The following GLRA3 variants were observed in gnomAD, a reference collection of about 807,000 sequenced individuals.
The protein encoded by GLRA3 is glycine receptor subunit alpha-3.
Under a neutral mutation model 60.4 loss-of-function variants are expected in GLRA3, and 44 were observed. The observed-to-expected ratio is 0.73, with a 90% confidence interval of 0.57 to 0.94. The LOEUF (loss-of-function observed/expected upper bound fraction) is 0.94, where lower values mean the gene tolerates loss of function less well. Ranked by LOEUF, GLRA3 falls within the 40% of genes least tolerant of loss-of-function variation. The probability of loss-of-function intolerance (pLI) is 0.00; values close to 1 mark genes in which losing one functional copy is unlikely to be tolerated. For missense variants in GLRA3, 508 were observed against 564.6 expected (o/e 0.90, Z 1.02); for synonymous variants, 223 against 192.9 (o/e 1.16, Z -1.29).
chr4:174,717,387 A>G lies in GLRA3; in HGVS notation c.492-1817T>C, dbSNP rs1480397148. Among the ~76,000 whole-genome samples the G allele has an allele frequency of 2.0e-5, 3 of 151,958 alleles. No individual in the cohort carries two copies. In the East Asian group the frequency reaches 5.8e-4, roughly 29 times the overall value. ...GGAAAGGAAGGAAGGAAAAAGAAAG[A>G]AGAAAGGAATAAAAAAGAACTATTT... On this transcript the variant is annotated intron_variant, in intron 4 of 9. Transcript: ENST00000274093.
At chr4:174,651,348 T>C (rs1733015339) in intron 9 of GLRA3, among the ~76,000 whole-genome samples, 1 of 152,208 alleles carries the variant, frequency 6.6e-6, no homozygotes, top group Non-Finnish European at 1.5e-5. Flanking sequence ...TACTTAACTT[T>C]ATGATTATTG....
At chr4:174,656,307 G>A (rs1190607337) in intron 9 of GLRA3, among the ~76,000 whole-genome samples, 1 of 152,040 alleles carries the variant, frequency 6.6e-6, no homozygotes, top group Non-Finnish European at 1.5e-5. Context: ...CAGAAGGCAC[G>A]AAGCATTTTG....
At chr4:174,777,826 A>G (rs1738664002) in intron 2 of GLRA3, among the ~76,000 whole-genome samples, 1 of 152,210 alleles carries the variant, frequency 6.6e-6, no homozygotes, top group Non-Finnish European at 1.5e-5. Flanking sequence ...GCACTTTCCA[A>G]TCAATTATTC....
chr4:174,677,182 A>G lies in GLRA3; in HGVS notation c.823T>C (p.Phe275Leu), dbSNP rs150394640. The change falls in exon 7 of 10, where the codon TTC (phenylalanine) becomes CTC (leucine). Residue 275 changes from phenylalanine to leucine, a missense_variant. Physicochemically the swap from Phe to Leu is conservative, Grantham distance 22. Coordinates refer to ENST00000274093, the MANE Select transcript of GLRA3 (RefSeq NM_006529.4). Reference sequence around the variant, plus strand: ...GGTGCTGCATCCATGTTGATCCAGAATGAAACCCAGGATAGAATAACAATC... The same window carrying G: ...GGTGCTGCATCCATGTTGATCCAGAGTGAAACCCAGGATAGAATAACAATC... ...LLIVILSWVS[F>L]WINMDAAPAR... 1 of 1,612,344 alleles carries G rather than the reference A, an allele frequency of 6.2e-7. No homozygotes were observed. The highest frequency in any genetic ancestry group is 8.5e-7 in the Non-Finnish European group (1 of 1,178,422).
intron 2 of GLRA3, among the ~76,000 whole-genome samples, chr4:174,777,909 T>C (rs1738669595): frequency 6.6e-6 from 1 of 152,118 alleles, no homozygotes. Flanking sequence ...ACTCAGAAAA[T>C]ATATAAGCAT....
In GLRA3 at chr4:174,642,295, C is replaced by G; in HGVS notation, c.*1491G>C. On this transcript the variant is annotated 3_prime_UTR_variant, in exon 10 of 10. Coordinates refer to ENST00000274093, the MANE Select transcript of GLRA3 (RefSeq NM_006529.4). Reference sequence around the variant, plus strand: ...TAGAAAATAGCATCTTGTTAAAGAACTGGCTTTTCTATTGTACATCTGAGT... The same window carrying G: ...TAGAAAATAGCATCTTGTTAAAGAAGTGGCTTTTCTATTGTACATCTGAGT... 1 of 956,468 alleles carries G rather than the reference C, an allele frequency of 1.0e-6. No individual in the cohort carries two copies. The highest frequency in any genetic ancestry group is 5.4e-4 in the Middle Eastern group (1 of 1,858). The allele number at this position is 956,468 out of a possible 1,614,324, so 59.2% of individuals were successfully genotyped here. A position where few individuals can be genotyped will look rare whatever the true frequency, so the allele number is the denominator to read the frequency against.
intron 6 of GLRA3, among the ~76,000 whole-genome samples, chr4:174,680,987 T>C (rs1318093293): frequency 6.6e-6 from 1 of 152,160 alleles, no homozygotes; most frequent in Middle Eastern, 3.2e-3. Flanking sequence ...AAATGGAGTC[T>C]GGGATCTGAA....
chr4:174,758,926 A>G (rs1235459701), intron 3 of GLRA3, among the ~76,000 whole-genome samples: 1 of 152,124 alleles, frequency 6.6e-6, no homozygotes, highest in Non-Finnish European at 1.5e-5. Flanking sequence ...TTGATATACT[A>G]TGTTCATGGA....
At chr4:174,717,039 A>AATAT (rs149325552) in intron 4 of GLRA3, among the ~76,000 whole-genome samples, 2 of 147,652 alleles carry the variant, frequency 1.4e-5, no homozygotes, top group South Asian at 2.1e-4. Flanking sequence ...TATCTCTACA[A>AATAT]ATATATATAT....
Position 174,656,773 on chromosome 4 carries a change from T to C in GLRA3, c.1086A>G (p.Ala362=), listed in dbSNP as rs1324547075. ...RKRKNKTEAF[A]LEKFYRFSDM... ...CTGAGAAACGGTAAAACTTCTCCAG[T>C]GCAAAAGCTTCTGTCTGTGGGAAGG... Residue 362 remains alanine (A), a synonymous_variant, in exon 9 of 10, where the codon GCA becomes GCG. Transcript: ENST00000274093. 2 of 1,586,542 alleles carry C rather than the reference T, an allele frequency of 1.3e-6. No homozygotes were observed. Among genetic ancestry groups the C allele is most frequent in the Non-Finnish European group, 1.7e-6 (2 of 1,155,442 alleles).
intron 2 of GLRA3, among the ~76,000 whole-genome samples, chr4:174,785,726 C>T (rs954497370): frequency 1.3e-5 from 2 of 152,062 alleles, no homozygotes. Context: ...AGGATCAAAT[C>T]ATTTAGGTTA....
At chr4:174,744,337 GA>G (rs1737146835) in intron 3 of GLRA3, among the ~76,000 whole-genome samples, 2 of 152,366 alleles carry the variant, frequency 1.3e-5, no homozygotes, top group Non-Finnish European at 2.9e-5. Context: ...GGAGGACCAA[GA>G]AGAGGCCTGC....
At chr4:174,773,541 T>A (rs1579583507) in intron 2 of GLRA3, among the ~76,000 whole-genome samples, 1 of 152,300 alleles carries the variant, frequency 6.6e-6, no homozygotes, top group East Asian at 1.9e-4. Context: ...TAAAGTTTTA[T>A]CTTTTTAAAG....
Position 174,828,805 on chromosome 4 carries a change from G to C in GLRA3, c.7C>G (p.His3Asp). ...ACTAATGTCCGAAAGTGTCTCACGTGGGCCATGATACGGAGAGATATTCAC... is the reference window on the plus strand; with the variant it reads ...ACTAATGTCCGAAAGTGTCTCACGTCGGCCATGATACGGAGAGATATTCAC... MA[H>D]VRHFRTLVSG... Residue 3 changes from histidine to aspartate, a missense_variant, in exon 1 of 10, where the codon CAC (histidine) becomes GAC (aspartate). By Grantham distance (81) the His-to-Asp change is moderately conservative. Transcript: ENST00000274093. 6.2e-7 allele frequency: 1 copy of C among 1,605,862 alleles called. No individual in the cohort carries two copies. Among genetic ancestry groups the C allele is most frequent in the Non-Finnish European group, 8.5e-7 (1 of 1,172,506 alleles).
intron 7 of GLRA3, among the ~76,000 whole-genome samples, chr4:174,673,691 C>G (rs1733994260): frequency 6.6e-6 from 1 of 152,056 alleles, no homozygotes; most frequent in South Asian, 2.1e-4. Context: ...TTCCACTTCC[C>G]AATTCATTTG....
chr4:174,788,397 C>T (rs991767254), intron 2 of GLRA3, among the ~76,000 whole-genome samples: 8 of 151,768 alleles, frequency 5.3e-5, no homozygotes, highest in East Asian at 1.9e-4. Context: ...AATTCAACAA[C>T]GGTTAGATTC....
chr4:174,822,475 T>A (rs1230556115), intron 1 of GLRA3, among the ~76,000 whole-genome samples: 3 of 152,210 alleles, frequency 2.0e-5, no homozygotes, highest in African/African-American at 7.2e-5. Context: ...GAGGACATTT[T>A]ATTTTTTACT....
At chr4:174,649,810 T>G (rs190462587) in intron 9 of GLRA3, among the ~76,000 whole-genome samples, 1 of 152,198 alleles carries the variant, frequency 6.6e-6, no homozygotes, top group African/African-American at 2.4e-5. Flanking sequence ...TAGACTTGAC[T>G]GATGCTTTGT....
At chr4:174,710,384 T>C (rs1340633748) in intron 5 of GLRA3, among the ~76,000 whole-genome samples, 1 of 152,180 alleles carries the variant, frequency 6.6e-6, no homozygotes, top group East Asian at 1.9e-4. Flanking sequence ...TGATCTACTT[T>C]TTCCATGAAT....
Sources: allele counts gnomAD v4.1 joint callset (sites outside exome capture counted in the v4.1 genomes callset), GRCh38; gene constraint gnomAD v4.1.1; transcripts MANE v1.5; gene names NCBI Gene and HGNC (gene_info 2026-07-23, HGNC 2026-07-21).